The following COPB1 variants were observed in gnomAD, a reference collection of about 807,000 sequenced individuals.
COPB1 encodes the protein coatomer subunit beta.
Under a neutral mutation model 108.7 loss-of-function variants are expected in COPB1, and 21 were observed. The observed-to-expected ratio is 0.19, with a 90% CI of 0.14 to 0.28. The LOEUF (loss-of-function observed/expected upper bound fraction) is 0.28, where lower values mean the gene tolerates loss of function less well. Ranked by LOEUF, COPB1 falls within the 10% of genes least tolerant of loss-of-function variation. COPB1 has a pLI of 1.00. For missense variants in COPB1, 919 were observed against 1,141.3 expected (o/e 0.81, Z 2.81); for synonymous variants, 378 against 386.8 (o/e 0.98, Z 0.27).
chr11:14,477,389 C>CAAAAAAAAAAAA (rs61014253), intron 11 of COPB1, among the ~76,000 whole-genome samples: 3,053 of 73,064 alleles, frequency 0.042, 502 homozygotes, highest in African/African-American at 0.1. Flanking sequence ...GACTCCGTCT[C>CAAAAAAAAAAAA]AAAAAAAAAA....
In COPB1 at chr11:14,463,909, T is replaced by G. The variant is rs973564264; in HGVS notation, c.2410+1002A>C. 7.9e-5 allele frequency among the ~76,000 whole-genome samples: 12 copies of G among 152,344 alleles called. No homozygotes were observed. The East Asian group carries it at 2.3e-3, about 29-fold the overall frequency. ...CACTACTGTGTTGGCTCAAGTCCTC[T>G]GCCATCTCTCACTTGGGCTTCTCTA... On this transcript the variant is annotated intron_variant, in intron 18 of 21. Transcript: ENST00000439561.
intron 7 of COPB1, among the ~76,000 whole-genome samples, chr11:14,485,473 G>A (rs1850749105): frequency 2.6e-5 from 4 of 152,158 alleles, no homozygotes; most frequent in Non-Finnish European, 4.4e-5. Flanking sequence ...AGCCACGCAC[G>A]TAACTTTTGA....
At chr11:14,490,519 G>C in intron 5 of COPB1, 46 bp downstream of exon 5, 1 of 1,081,418 alleles carries the variant, frequency 9.2e-7, no homozygotes. Context: ...ACTTTCAATT[G>C]TCACTTAAAT....
intron 18 of COPB1, among the ~76,000 whole-genome samples, chr11:14,461,815 T>TC (rs1163054256): frequency 6.6e-6 from 1 of 152,188 alleles, no homozygotes; most frequent in African/African-American, 2.4e-5. Context: ...TAGTCATCCC[T>TC]CAGTATTAAT....
rs537130348 is a variant in COPB1, at chr11:14,480,053, C to T, written c.1213-339G>A. On this transcript the variant is annotated intron_variant, in intron 10 of 21. Transcript: ENST00000439561. ...CCCTGGCCTCAAGTAATCCTCTTGC[C>T]TAGCCCTCCCAAAGTGCTCGAATTA... Among the ~76,000 whole-genome samples the T allele has an allele frequency of 1.1e-4, 17 of 152,286 alleles. No homozygotes were observed. In the East Asian group the frequency reaches 1.7e-3, roughly 16 times the overall value.
chr11:14,491,372 T>C (rs1053145287), intron 4 of COPB1, among the ~76,000 whole-genome samples: 6 of 151,978 alleles, frequency 3.9e-5, no homozygotes, highest in African/African-American at 1.4e-4. Context: ...TCAAATCAAT[T>C]AGAACTGGGA....
intron 12 of COPB1, 121 bp from the exon 13 acceptor site, chr11:14,476,066 A>T (rs1485243111): frequency 9.0e-6 from 7 of 778,470 alleles, no homozygotes; most frequent in African/African-American, 1.8e-5. Context: ...GGAACTGGGA[A>T]CTCTGCTTTC....
chr11:14,471,610 A>G (rs939007269), intron 14 of COPB1, among the ~76,000 whole-genome samples: 1 of 152,118 alleles, frequency 6.6e-6, no homozygotes, highest in Non-Finnish European at 1.5e-5. Flanking sequence ...CTTATAATGG[A>G]ATTAAAACAA....
rs761007261 is a variant in COPB1 at position 14,490,570 on chromosome 11, C to A, written c.601G>T (p.Asp201Tyr). 6.3e-7 allele frequency: 1 copy of A among 1,593,380 alleles called. No homozygotes were observed. The highest frequency in any genetic ancestry group is 8.6e-7 in the Non-Finnish European group (1 of 1,164,038). ...RNAFMMLIHA[D>Y]QDRALDYLST... ...TTTTTTAAAAAGTACCTCACCTGAT[C>A]TGCATGAATTAGCATCATAAATGCA... The change falls in exon 5 of 22, where the codon GAT (aspartate) becomes TAT (tyrosine). Residue 201 changes from aspartate to tyrosine, a missense_variant. Asp to Tyr is a radical substitution (Grantham distance 160, BLOSUM62 -3). Around this residue, in one of 5 missense-constraint regions of COPB1, gnomAD observed 78 missense variants for 95.4 expected, o/e 0.82. Coordinates refer to ENST00000439561, the MANE Select transcript of COPB1 (RefSeq NM_001144061.2).
intron 14 of COPB1, among the ~76,000 whole-genome samples, chr11:14,471,388 A>T (rs1850398561): frequency 6.6e-6 from 1 of 152,208 alleles, no homozygotes; most frequent in Non-Finnish European, 1.5e-5. Flanking sequence ...CAACTTCCAG[A>T]AGTGATGCAA....
chr11:14,469,290 C>T (rs764803493), intron 15 of COPB1, 46 bp downstream of exon 15: 31 of 1,503,518 alleles, frequency 2.1e-5, no homozygotes, highest in Admixed American at 3.3e-5. Flanking sequence ...AGCCACTGCA[C>T]GAAGAGACAC....
chr11:14,458,983 G>T (rs1173335791), intron 20 of COPB1, among the ~76,000 whole-genome samples: 4 of 152,138 alleles, frequency 2.6e-5, no homozygotes, highest in Non-Finnish European at 5.9e-5. Flanking sequence ...GGCCAGGCTG[G>T]TCTTGAACTC....
At chr11:14,478,960 A>T in intron 11 of COPB1, 1 of 140,474 alleles carries the variant, frequency 7.1e-6, no homozygotes, top group African/African-American at 2.8e-5. Context: ...CCTCTCACAA[A>T]AAAAAAAAAA....
chr11:14,498,275 C>G (rs1851072204), intron 2 of COPB1, among the ~76,000 whole-genome samples: 1 of 152,078 alleles, frequency 6.6e-6, no homozygotes, highest in Non-Finnish European at 1.5e-5. Context: ...TTTCATGTAC[C>G]CCATAAATAT....
At chr11:14,497,156 A>G (rs1456669296) in intron 2 of COPB1, among the ~76,000 whole-genome samples, 2 of 152,212 alleles carry the variant, frequency 1.3e-5, no homozygotes, top group Non-Finnish European at 2.9e-5. Flanking sequence ...AATACCCCAC[A>G]GGCACAGGCA....
At chr11:14,470,871 G>A (rs1850382153) in intron 14 of COPB1, among the ~76,000 whole-genome samples, 1 of 142,622 alleles carries the variant, frequency 7.0e-6, no homozygotes, top group African/African-American at 2.6e-5. Context: ...CAAGTGAAAA[G>A]GAGAAAATCT....
rs545683242 is a variant in COPB1 at position 14,471,830 on chromosome 11, G to A, written c.1738-2267C>T. Among the ~76,000 whole-genome samples the A allele has an allele frequency of 3.1e-3, 465 of 152,306 alleles. 2 individuals carry two copies. The highest frequency in any genetic ancestry group is 4.9e-3 in the Non-Finnish European group (332 of 68,024). ...CCAGCTACTCGGGAGGCTGAGCCAG[G>A]AGAATTGCTTAAACCCAGGAGGCGG... On this transcript the variant is annotated intron_variant, in intron 14 of 21. Coordinates refer to ENST00000439561, the MANE Select transcript of COPB1 (RefSeq NM_001144061.2).
At chr11:14,460,887 G>C (rs942872266) in intron 19 of COPB1, among the ~76,000 whole-genome samples, 3 of 151,976 alleles carry the variant, frequency 2.0e-5, no homozygotes, top group African/African-American at 4.8e-5. Context: ...AGCCTTTTTC[G>C]GGCACTAGAT....
intron 14 of COPB1, 53 bp downstream of exon 14, chr11:14,474,442 T>C (rs1850472660): frequency 1.3e-6 from 2 of 1,549,034 alleles, no homozygotes; most frequent in Admixed American, 1.7e-5. Context: ...TCAATGCATA[T>C]AGTAGGCACT....
Sources: gnomAD v4.1 joint callset for allele counts (sites outside exome capture counted in the v4.1 genomes callset) on GRCh38, gnomAD v4.1.1 for gene constraint, gnomAD v4.1.1 regional missense constraint, MANE v1.5 for transcripts, NCBI Gene and HGNC (gene_info 2026-07-23, HGNC 2026-07-21) for gene names.